TBC1D5: variants seen among roughly 807,000 people sequenced by gnomAD.
TBC1D5 encodes the protein TBC1 domain family member 5, also known as TBC1 domain family, member 5.
TBC1D5 carries 75 observed loss-of-function variants against 100.3 expected under a neutral mutation model. The observed-to-expected ratio is 0.75, with a 90% CI of 0.62 to 0.91. TBC1D5 has a LOEUF of 0.91. Among genes scored for constraint, TBC1D5 ranks in the 40% least tolerant of loss-of-function variants. The pLI is 0.00. For synonymous variants in TBC1D5, 323 were observed against 325.6 expected (o/e 0.99, Z 0.09); for missense variants, 910 against 942.4 (o/e 0.97, Z 0.45).
intron 1 of TBC1D5, among the ~76,000 whole-genome samples, chr3:17,695,824 C>G (rs1319058636): frequency 6.6e-6 from 1 of 152,204 alleles, no homozygotes. Flanking sequence ...CGCACTTATT[C>G]TAAAACTGAC....
At chr3:17,701,429 T>G (rs1465939593) in intron 1 of TBC1D5, among the ~76,000 whole-genome samples, 1 of 151,968 alleles carries the variant, frequency 6.6e-6, no homozygotes, top group Non-Finnish European at 1.5e-5. Flanking sequence ...TACCTATGTA[T>G]CAAACCTGCA....
rs987329481 is a variant in TBC1D5, at chr3:17,272,682, A to G, written c.1246-14091T>C. 7.2e-5 allele frequency among the ~76,000 whole-genome samples: 11 copies of G among 152,354 alleles called. No individual in the cohort carries two copies. In the South Asian group the frequency reaches 1.2e-3, roughly 17 times the overall value. ...ACAGCCAGGAACTGAACCCAGTTCT[A>G]TCTTCAAACTTCTTCTGGCTAAACA... On this transcript the variant is annotated intron_variant, in intron 15 of 21. Coordinates refer to ENST00000253692, the Ensembl canonical transcript of TBC1D5.
chr3:17,553,114 A>G (rs1199508292), intron 2 of TBC1D5, among the ~76,000 whole-genome samples: 2 of 152,128 alleles, frequency 1.3e-5, no homozygotes, highest in East Asian at 1.9e-4. Flanking sequence ...TTGGGGCACC[A>G]TATTTCAGAC....
At chr3:17,690,202 A>ATTTTTTTTTTTTTT (rs1330856968) in intron 1 of TBC1D5, among the ~76,000 whole-genome samples, 1 of 61,022 alleles carries the variant, frequency 1.6e-5, no homozygotes, top group African/African-American at 5.7e-5. Context: ...AAAAATAGCC[A>ATTTTTTTTTTTTTT]TATTTTTTTT....
chr3:17,663,463 T>C (rs1341181506), intron 1 of TBC1D5, among the ~76,000 whole-genome samples: 1 of 152,078 alleles, frequency 6.6e-6, no homozygotes, highest in Non-Finnish European at 1.5e-5. Context: ...AAGTGAATTA[T>C]AAAATAAATA....
In TBC1D5 at chr3:17,334,907, T is replaced by C. The variant is rs780008260; in HGVS notation, c.996-26773A>G. Among the ~76,000 whole-genome samples, 77 of 152,104 alleles carry C rather than the reference T, an allele frequency of 5.1e-4. 1 individual carries two copies. Among genetic ancestry groups the C allele is most frequent in the Non-Finnish European group, 1.2e-4 (8 of 67,996 alleles). On this transcript the variant is annotated intron_variant, in intron 13 of 21. Transcript: ENST00000253692. ...TGCATATTAAACATTATACTCAATT[T>C]TGGGGGGAAAATCTACAGATAAGGC...
intron 1 of TBC1D5, among the ~76,000 whole-genome samples, chr3:17,736,210 A>C (rs1424994240): frequency 2.6e-5 from 4 of 152,098 alleles, no homozygotes; most frequent in Non-Finnish European, 5.9e-5. Context: ...TGCCTCTCAT[A>C]ATCATACCAC....
chr3:17,629,089 T>C (rs1254005520), intron 1 of TBC1D5, among the ~76,000 whole-genome samples: 2 of 152,240 alleles, frequency 1.3e-5, no homozygotes, highest in South Asian at 2.1e-4. Context: ...AATTAGCAAG[T>C]ATCAAATATC....
At position 17,167,847 on chromosome 3, in the gene TBC1D5, C is replaced by A; in HGVS notation, c.1853-19G>T. On this transcript the variant is annotated intron_variant, in intron 19 of 21. Transcript: ENST00000253692. The stretch of plus-strand genomic sequence containing the variant: ...ATATTTACTGAAAATAGAAGAATGA[C>A]ATTTTATAACCAATGCTCTGAGCAT... 1 of 1,536,342 alleles carries A rather than the reference C, an allele frequency of 6.5e-7. No individual in the cohort carries two copies. Among genetic ancestry groups the A allele is most frequent in the South Asian group, 1.2e-5 (1 of 85,820 alleles).
chr3:17,228,637 G>C (rs2148832820), intron 17 of TBC1D5, among the ~76,000 whole-genome samples: 1 of 151,898 alleles, frequency 6.6e-6, no homozygotes, highest in East Asian at 1.9e-4. Flanking sequence ...CCAGGCCATG[G>C]TCTGCTTATT....
chr3:17,172,591 T>G (rs1003267657), intron 19 of TBC1D5, among the ~76,000 whole-genome samples: 2 of 152,206 alleles, frequency 1.3e-5, no homozygotes, highest in African/African-American at 4.8e-5. Context: ...GTTGGAGCAC[T>G]GAAACTAAAG....
At chr3:17,253,121 T>A (rs1320255471) in intron 16 of TBC1D5, among the ~76,000 whole-genome samples, 1 of 152,192 alleles carries the variant, frequency 6.6e-6, no homozygotes, top group Non-Finnish European at 1.5e-5. Flanking sequence ...AACTTCCATT[T>A]TATATGGTAA....
At chr3:17,382,621 A>C (rs573567988) in intron 9 of TBC1D5, among the ~76,000 whole-genome samples, 24 of 151,348 alleles carry the variant, frequency 1.6e-4, no homozygotes, top group Admixed American at 1.5e-3. Flanking sequence ...AGTGCAGTGA[A>C]TCAATCACAG....
chr3:17,661,391 G>T (rs1174121044), intron 1 of TBC1D5, among the ~76,000 whole-genome samples: 1 of 152,184 alleles, frequency 6.6e-6, no homozygotes, highest in Non-Finnish European at 1.5e-5. Flanking sequence ...AGACACAAGA[G>T]ATTTGGTAGA....
intron 2 of TBC1D5, among the ~76,000 whole-genome samples, chr3:17,539,969 A>G (rs965948019): frequency 2.0e-5 from 3 of 152,178 alleles, no homozygotes; most frequent in African/African-American, 7.2e-5. Context: ...AACAGTGCAC[A>G]AGGGTTCCAA....
chr3:17,239,244 C>T (rs965070431), intron 16 of TBC1D5, among the ~76,000 whole-genome samples: 10 of 151,994 alleles, frequency 6.6e-5, no homozygotes, highest in Non-Finnish European at 1.0e-4. Flanking sequence ...ACCCATAGTC[C>T]GTCTTTTCAC....
intron 13 of TBC1D5, among the ~76,000 whole-genome samples, chr3:17,335,065 C>G (rs1450275010): frequency 1.3e-5 from 2 of 151,760 alleles, no homozygotes; most frequent in Non-Finnish European, 2.9e-5. Flanking sequence ...TATATTATAC[C>G]CAAAGGTAAG....
chr3:17,546,488 G>A (rs938492466), intron 2 of TBC1D5, among the ~76,000 whole-genome samples: 1 of 151,988 alleles, frequency 6.6e-6, no homozygotes. Flanking sequence ...TAGCAGCCAG[G>A]CACGGTGGCT....
At chr3:17,176,599 A>G (rs1337461113) in intron 19 of TBC1D5, among the ~76,000 whole-genome samples, 1 of 152,194 alleles carries the variant, frequency 6.6e-6, no homozygotes, top group African/African-American at 2.4e-5. Context: ...GAGCTGAACA[A>G]CGAGAGCACA....
Sources: allele counts gnomAD v4.1 joint callset (sites outside exome capture counted in the v4.1 genomes callset), GRCh38; gene constraint gnomAD v4.1.1; transcripts MANE v1.5; gene names NCBI Gene and HGNC (gene_info 2026-07-23, HGNC 2026-07-21).